The following WIPF3 variants were observed in gnomAD, a reference collection of about 807,000 sequenced individuals.
The protein encoded by WIPF3 is WAS/WASL-interacting protein family member 3.
WIPF3 carries 33 observed loss-of-function variants against 38.9 expected under a neutral mutation model. The ratio of observed to expected loss-of-function variants is 0.85; its 90% confidence interval spans 0.64 to 1.14. The LOEUF is 1.14. Among genes scored for constraint, WIPF3 ranks in the 50% most tolerant of loss-of-function variants. WIPF3 has a pLI of 0.00. For synonymous variants in WIPF3, 324 were observed against 269.3 expected (o/e 1.20, Z -1.99); for missense variants, 711 against 652.5 (o/e 1.09, Z -0.98).
chr7:29,896,639 T>C (rs1306308866), intron 7 of WIPF3, among the ~76,000 whole-genome samples: 5 of 152,144 alleles, frequency 3.3e-5, no homozygotes, highest in Non-Finnish European at 7.3e-5. Context: ...TTTTAAGTTT[T>C]CCTTTTGGGG....
intron 7 of WIPF3, among the ~76,000 whole-genome samples, chr7:29,903,698 A>G (rs1006495497): frequency 1.2e-5 from 1 of 81,222 alleles, no homozygotes; most frequent in African/African-American, 3.2e-5. Context: ...AAATACCAAA[A>G]AGAAAAAAAA....
chr7:29,818,787 A>G (rs796954541), intron 1 of WIPF3, among the ~76,000 whole-genome samples: 1 of 152,162 alleles, frequency 6.6e-6, no homozygotes, highest in African/African-American at 2.4e-5. Context: ...CCTGACTTTA[A>G]TTGGAATTTG....
chr7:29,885,152 A>G (rs174967), intron 5 of WIPF3, among the ~76,000 whole-genome samples: 112,356 of 152,206 alleles, frequency 0.74, 41,800 homozygotes, highest in South Asian at 0.9. Context: ...GGCTGACTCA[A>G]GAAAACTGAG....
chr7:29,840,513 G>A (rs903012980), intron 2 of WIPF3, among the ~76,000 whole-genome samples: 3 of 152,160 alleles, frequency 2.0e-5, no homozygotes, highest in Non-Finnish European at 1.5e-5. Context: ...TGCCTGGCTC[G>A]AAATAAGTAC....
chr7:29,824,991 T>C (rs1174384429), intron 1 of WIPF3, among the ~76,000 whole-genome samples: 1 of 152,220 alleles, frequency 6.6e-6, no homozygotes, highest in Non-Finnish European at 1.5e-5. Context: ...TACCCAATAC[T>C]ACCTCCCATC....
intron 5 of WIPF3, among the ~76,000 whole-genome samples, chr7:29,885,693 A>G (rs906701841): frequency 2.0e-5 from 3 of 152,130 alleles, no homozygotes; most frequent in African/African-American, 7.2e-5. Context: ...GCAGACAACT[A>G]TAGTCCCAGC....
chr7:29,868,535 T>TAC (rs1554345939), intron 2 of WIPF3, among the ~76,000 whole-genome samples: 14 of 150,922 alleles, frequency 9.3e-5, no homozygotes, highest in South Asian at 2.1e-4. Flanking sequence ...TATATATATA[T>TAC]ACACACACAT....
intron 1 of WIPF3, among the ~76,000 whole-genome samples, chr7:29,810,047 G>A (rs4722948): frequency 0.24 from 36,370 of 152,080 alleles, 5,177 homozygotes; most frequent in East Asian, 0.39. Context: ...CTGTGTGAGT[G>A]CACATGTGTG....
intron 8 of WIPF3, among the ~76,000 whole-genome samples, chr7:29,909,500 T>C (rs1292680360): frequency 6.6e-6 from 1 of 152,190 alleles, no homozygotes; most frequent in Admixed American, 6.5e-5. Context: ...AAAAGGATTA[T>C]AAGAGAGTAT....
At chr7:29,890,849 G>A (rs548977792) in intron 7 of WIPF3, among the ~76,000 whole-genome samples, 6 of 145,840 alleles carry the variant, frequency 4.1e-5, no homozygotes, top group African/African-American at 1.5e-4. Flanking sequence ...CTCAGGTGGA[G>A]GGGATGTGGG....
At chr7:29,809,655 G>A (rs1333532306) in intron 1 of WIPF3, among the ~76,000 whole-genome samples, 2 of 152,226 alleles carry the variant, frequency 1.3e-5, no homozygotes, top group African/African-American at 2.4e-5. Context: ...AGCCAGTAGG[G>A]CACTTGAAAC....
intron 2 of WIPF3, among the ~76,000 whole-genome samples, chr7:29,846,694 A>C (rs1318051763): frequency 6.6e-6 from 1 of 152,170 alleles, no homozygotes; most frequent in African/African-American, 2.4e-5. Context: ...CAAGAGCAAA[A>C]CTCTGTCTCA....
At chr7:29,813,438 A>G (rs1237471086) in intron 1 of WIPF3, among the ~76,000 whole-genome samples, 1 of 152,164 alleles carries the variant, frequency 6.6e-6, no homozygotes, top group African/African-American at 2.4e-5. Flanking sequence ...GCACCCATGC[A>G]CTCACACAGG....
Position 29,888,093 on chromosome 7 carries a change from A to T in WIPF3, c.1125A>T (p.Pro375=). ...GGGCCGGTGGGGGAAAGCTAAATCC[A>T]CCTCCAGCACCCCCTGCGAGATCAC... The part of the protein sequence containing the change: ...RPGAGGGKLN[P]PPAPPARSPT... Residue 375 remains proline (P), a synonymous_variant, in exon 6 of 9, where the codon CCA becomes CCT. Transcript: ENST00000242140. The T allele has an allele frequency of 6.2e-7, 1 of 1,613,852 alleles. No individual in the cohort carries two copies. Among genetic ancestry groups the T allele is most frequent in the Non-Finnish European group, 8.5e-7 (1 of 1,179,838 alleles).
intron 1 of WIPF3, among the ~76,000 whole-genome samples, chr7:29,806,916 GC>G: frequency 6.6e-6 from 1 of 151,422 alleles, no homozygotes; most frequent in East Asian, 2.0e-4. Context: ...CCCCGGCCGG[GC>G]CGGGCCGGGC....
chr7:29,819,776 T>C (rs942786319), intron 1 of WIPF3, among the ~76,000 whole-genome samples: 1 of 152,054 alleles, frequency 6.6e-6, no homozygotes, highest in South Asian at 2.1e-4. Flanking sequence ...TTCCAAGATC[T>C]GTTAAATAAA....
chr7:29,878,773 G>A lies in WIPF3; in HGVS notation c.224-236G>A, dbSNP rs1462950459. 6.6e-6 allele frequency among the ~76,000 whole-genome samples: 1 copy of A among 152,172 alleles called. No individual in the cohort carries two copies. Among genetic ancestry groups the A allele is most frequent in the African/African-American group, 2.4e-5 (1 of 41,438 alleles). On this transcript the variant is annotated intron_variant, in intron 3 of 8. Transcript: ENST00000242140. This position sits in a 1 kb window ranked among gnomAD's most constrained non-coding sequence, Gnocchi z 4.0. Reference sequence around the variant, plus strand: ...TTTTGGTCACTTTTCAGGGGAGCTGGGCACAGATGGTTAGTTCTTTGGTAG... The same window carrying A: ...TTTTGGTCACTTTTCAGGGGAGCTGAGCACAGATGGTTAGTTCTTTGGTAG...
chr7:29,873,294 C>G (rs1188293417), intron 2 of WIPF3, among the ~76,000 whole-genome samples: 3 of 152,148 alleles, frequency 2.0e-5, no homozygotes, highest in Non-Finnish European at 4.4e-5. Context: ...TTCCCTAAGG[C>G]TCCTCTGAGT....
chr7:29,878,210 A>G lies in WIPF3; in HGVS notation c.224-799A>G, dbSNP rs1433428585. Reference sequence around the variant, plus strand: ...CACTCACTTCCTAATCATTCTCATGAGTAAGTAATGTACAATATTAATACT... The same window carrying G: ...CACTCACTTCCTAATCATTCTCATGGGTAAGTAATGTACAATATTAATACT... On this transcript the variant is annotated intron_variant, in intron 3 of 8. Coordinates refer to ENST00000242140, the MANE Select transcript of WIPF3 (RefSeq NM_001080529.3). This position sits in a 1 kb window ranked among gnomAD's most constrained non-coding sequence, Gnocchi z 4.0. 2.0e-5 allele frequency among the ~76,000 whole-genome samples: 3 copies of G among 152,248 alleles called. No homozygotes were observed. The highest frequency in any genetic ancestry group is 4.4e-5 in the Non-Finnish European group (3 of 68,048).
Sources: allele counts gnomAD v4.1 joint callset (sites outside exome capture counted in the v4.1 genomes callset), GRCh38; gene constraint gnomAD v4.1.1; non-coding constraint Gnocchi (gnomAD v3.1); transcripts MANE v1.5; gene names NCBI Gene and HGNC (gene_info 2026-07-23, HGNC 2026-07-21).